The following PCDH11X variants were observed in gnomAD, a reference collection of about 807,000 sequenced individuals.
PCDH11X encodes protocadherin-11 X-linked.
A neutral mutation model predicts 53.3 loss-of-function variants in PCDH11X; 18 were observed. The ratio of observed to expected loss-of-function variants is 0.34; its 90% CI spans 0.23 to 0.50. The LOEUF is 0.50. Ranked by LOEUF, PCDH11X falls within the 20% of genes least tolerant of loss-of-function variation. The probability of loss-of-function intolerance (pLI) is 0.98; values close to 1 mark genes in which losing one functional copy is unlikely to be tolerated. For missense variants in PCDH11X, 570 were observed against 1,032.4 expected (o/e 0.55, Z 6.14); for synonymous variants, 279 against 393.3 (o/e 0.71, Z 3.44).
At chrX:92,323,575 ATTTT>A (rs1027853349) in intron 8 of PCDH11X, among the ~76,000 whole-genome samples, 1 of 109,765 alleles carries the variant, frequency 9.1e-6, no homozygotes, top group Non-Finnish European at 1.9e-5. Flanking sequence ...ATTTAATTTA[ATTTT>A]TTTATTATTA....
At chrX:92,484,392 G>T (rs1400720641) in intron 10 of PCDH11X, among the ~76,000 whole-genome samples, 4 of 103,399 alleles carry the variant, frequency 3.9e-5, no homozygotes, top group African/African-American at 1.4e-4. Flanking sequence ...CAAAGGGGTT[G>T]TACTAATTTA....
At chrX:91,849,279 G>A (rs1429666204) in intron 5 of PCDH11X, among the ~76,000 whole-genome samples, 1 of 110,555 alleles carries the variant, frequency 9.0e-6, no homozygotes, top group Non-Finnish European at 1.9e-5. Context: ...TTACTTTTTA[G>A]TTTTTTTAAA....
At position 92,425,518 on chromosome X, in the gene PCDH11X, T is replaced by G. The variant is rs184701880; in HGVS notation, c.3343+37585T>G. Among the ~76,000 whole-genome samples, 48 of 109,270 alleles carry G rather than the reference T, an allele frequency of 4.4e-4. 1 individual carries two copies. The highest frequency in any genetic ancestry group is 1.6e-3 in the African/African-American group (47 of 30,098). The allele number at this position is 109,270 out of a possible 115,157, so 94.9% of individuals were successfully genotyped here. ...GGTGAAGACTTGGGAAGAAGAAAGT[T>G]TGGAGTTTAGAAGAAAAGGTTGCAG... On this transcript the variant is annotated intron_variant, in intron 9 of 10. Coordinates refer to ENST00000682573, the MANE Select transcript of PCDH11X (RefSeq NM_032968.5).
chrX:92,300,905 G>A (rs2148469347), intron 8 of PCDH11X, among the ~76,000 whole-genome samples: 1 of 112,196 alleles, frequency 8.9e-6, no homozygotes, highest in African/African-American at 3.2e-5. Context: ...GCAAGGCTCA[G>A]CTCAGCACTC....
At chrX:91,962,020 G>A (rs1013207667) in intron 6 of PCDH11X, among the ~76,000 whole-genome samples, 1 of 107,524 alleles carries the variant, frequency 9.3e-6, no homozygotes, top group African/African-American at 3.4e-5. Flanking sequence ...GACACATGGG[G>A]ATTATGGGAG....
At chrX:92,122,077 T>C (rs5984152) in intron 6 of PCDH11X, among the ~76,000 whole-genome samples, 1,213 of 104,126 alleles carry the variant, frequency 0.012, 19 homozygotes, top group African/African-American at 0.04. Flanking sequence ...CTCCACCTCC[T>C]GGGTTCAAGC....
intron 1 of PCDH11X, among the ~76,000 whole-genome samples, chrX:91,797,811 C>T (rs745669001): frequency 9.1e-6 from 1 of 110,421 alleles, no homozygotes; most frequent in African/African-American, 3.3e-5. Context: ...GGTATTTAGT[C>T]AGAATGGAAT....
At chrX:92,307,414 T>TA (rs943292672) in intron 8 of PCDH11X, among the ~76,000 whole-genome samples, 16 of 106,391 alleles carry the variant, frequency 1.5e-4, no homozygotes, top group African/African-American at 5.1e-4. Context: ...CCTTTTATGA[T>TA]AAAAAATAAG....
chrX:92,517,912 C>T (rs868417477), intron 10 of PCDH11X, among the ~76,000 whole-genome samples: 2 of 110,553 alleles, frequency 1.8e-5, no homozygotes, highest in Non-Finnish European at 3.8e-5. Flanking sequence ...AAACTATACT[C>T]TGTAATTGTT....
At chrX:91,855,512 AT>A (rs1263927556) in intron 5 of PCDH11X, among the ~76,000 whole-genome samples, 2 of 107,446 alleles carry the variant, frequency 1.9e-5, no homozygotes, top group South Asian at 3.9e-4. Flanking sequence ...AAATCTGAGG[AT>A]TTTTTTTCTA....
chrX:92,317,009 CT>C (rs2069090930), intron 8 of PCDH11X, among the ~76,000 whole-genome samples: 1 of 110,969 alleles, frequency 9.0e-6, no homozygotes, highest in East Asian at 2.8e-4. Context: ...CAAACACGTA[CT>C]TTCAAAAAAA....
chrX:92,273,408 A>G (rs1346074519), intron 8 of PCDH11X, among the ~76,000 whole-genome samples: 2 of 111,412 alleles, frequency 1.8e-5, no homozygotes, highest in Non-Finnish European at 3.8e-5. Flanking sequence ...AAGGCGGGGC[A>G]GGGCCTTTTC....
At chrX:92,435,553 A>C (rs2072350849) in intron 9 of PCDH11X, among the ~76,000 whole-genome samples, 3 of 111,470 alleles carry the variant, frequency 2.7e-5, no homozygotes, top group African/African-American at 9.8e-5. Flanking sequence ...ATCATCTACA[A>C]AGAGAATCCT....
rs991258038 is a variant in PCDH11X, at chrX:92,186,527, C to T, written c.3034-14848C>T. On this transcript the variant is annotated intron_variant, in intron 6 of 10. Transcript: ENST00000682573. ...CCTGTAATCCCAGCTACTCAAGAGG[C>T]TGAGGCAGAAGAACGGCTTGAACCC... 1.2e-4 allele frequency among the ~76,000 whole-genome samples: 13 copies of T among 107,372 alleles called. No homozygotes were observed. The East Asian group carries it at 3.2e-3, about 27-fold the overall frequency. 93.2% of individuals were successfully genotyped at this position (107,372 alleles called of 115,157 possible). A position where few individuals can be genotyped will look rare whatever the true frequency, so the allele number is the denominator to read the frequency against.
At chrX:92,346,964 G>T (rs1435344450) in intron 8 of PCDH11X, among the ~76,000 whole-genome samples, 8 of 110,641 alleles carry the variant, frequency 7.2e-5, no homozygotes, top group African/African-American at 2.6e-4. Context: ...TTAATTGGTG[G>T]TAAAAAAAAC....
intron 5 of PCDH11X, among the ~76,000 whole-genome samples, chrX:91,847,819 A>G (rs1937768082): frequency 8.9e-6 from 1 of 111,861 alleles, no homozygotes; most frequent in Admixed American, 9.5e-5. Context: ...AATTTTACAC[A>G]CACAAAAAAA....
chrX:92,559,404 C>A (rs2148760183), intron 10 of PCDH11X, among the ~76,000 whole-genome samples: 1 of 107,928 alleles, frequency 9.3e-6, no homozygotes, highest in South Asian at 4.2e-4. Flanking sequence ...GGCTGTTTAT[C>A]CCCCAAAAGG....
chrX:92,508,212 TG>T (rs201033818), intron 10 of PCDH11X, among the ~76,000 whole-genome samples: 30,187 of 105,403 alleles, frequency 0.29, 3,788 homozygotes, highest in Non-Finnish European at 0.37. Flanking sequence ...AACTCTACTT[TG>T]TTTTTTTTTG....
chrX:92,336,129 TAAA>T (rs1212836490), intron 8 of PCDH11X, among the ~76,000 whole-genome samples: 1 of 111,222 alleles, frequency 9.0e-6, no homozygotes, highest in Non-Finnish European at 1.9e-5. Context: ...TAGAAAAAAA[TAAA>T]AAAAGGAAGT....
Sources: gnomAD v4.1 joint callset for allele counts (sites outside exome capture counted in the v4.1 genomes callset) on GRCh38, gnomAD v4.1.1 for gene constraint, MANE v1.5 for transcripts, NCBI Gene and HGNC (gene_info 2026-07-23, HGNC 2026-07-21) for gene names.